The following ZFP69B variants were observed in gnomAD, a reference collection of about 807,000 sequenced individuals.
ZFP69B encodes ZFP69 zinc finger protein B.
ZFP69B carries 20 observed loss-of-function variants against 19.7 expected under a neutral mutation model. The ratio of observed to expected loss-of-function variants is 1.02; its 90% CI spans 0.71 to 1.48. The LOEUF (loss-of-function observed/expected upper bound fraction) is 1.48. ZFP69B is among the 40% of genes most tolerant of loss of function. ZFP69B has a pLI of 0.00. For missense variants in ZFP69B, 583 were observed against 632.6 expected, an observed-to-expected ratio of 0.92 and a Z score of 0.84; for synonymous variants, 220 against 222.7, an observed-to-expected ratio of 0.99 and a Z score of 0.11.
rs1189194944 is a variant in ZFP69B at position 40,451,003 on chromosome 1, C to T, written c.42C>T (p.Ser14=). The change falls in exon 1 of 5, where the codon AGC becomes AGT. Residue 14 remains serine (S), a synonymous_variant. Transcript: ENST00000361584. ...TGATCACCCTGCCCACCGAGGCCAGCACCTGGGTGAAGTTGCGTCATCCAA... is the reference window on the plus strand; with the variant it reads ...TGATCACCCTGCCCACCGAGGCCAGTACCTGGGTGAAGTTGCGTCATCCAA... ...QLLITLPTEA[S]TWVKLRHPKA... The T allele has an allele frequency of 6.4e-7, 1 of 1,551,190 alleles. No homozygotes were observed. The highest frequency in any genetic ancestry group is 8.7e-7 in the Non-Finnish European group (1 of 1,146,912).
chr1:40,458,728 C>T (rs1645256708), intron 4 of ZFP69B, among the ~76,000 whole-genome samples: 1 of 152,052 alleles, frequency 6.6e-6, no homozygotes, highest in East Asian at 1.9e-4. Flanking sequence ...CTATGTTGGC[C>T]AGGCTGGTCT....
At chr1:40,451,198 T>A (rs1161447113) in intron 1 of ZFP69B, 110 bp downstream of exon 1, 2 of 1,320,420 alleles carry the variant, frequency 1.5e-6, no homozygotes, top group Non-Finnish European at 2.0e-6. Context: ...GGGTGGAGGG[T>A]TTCCGGAGTT....
In ZFP69B at chr1:40,462,493, G is replaced by A. The variant is rs149088436; in HGVS notation, c.509G>A (p.Gly170Asp). The change falls in exon 5 of 5, where the codon GGC (glycine) becomes GAC (aspartate). Residue 170 changes from glycine to aspartate, a missense_variant. By Grantham distance (94) the Gly-to-Asp change is moderately conservative. Coordinates refer to ENST00000361584, the MANE Select transcript of ZFP69B (RefSeq NM_023070.3). ...NDISWEELHC[G>D]LMMERFTKGS... The stretch of plus-strand genomic sequence containing the variant: ...ATTTCGTGGGAAGAACTACATTGTG[G>A]CCTAATGATGGAAAGATTTACAAAA... 2 of 1,613,980 alleles carry A rather than the reference G, an allele frequency of 1.2e-6. No individual in the cohort carries two copies. The highest frequency in any genetic ancestry group is 1.3e-5 in the African/African-American group (1 of 74,994).
In ZFP69B at chr1:40,450,850, T is replaced by G; in HGVS notation, c.-112T>G. On this transcript the variant is annotated 5_prime_UTR_variant, in exon 1 of 5. Coordinates refer to ENST00000361584, the MANE Select transcript of ZFP69B (RefSeq NM_023070.3). ...GAGTAGGAGTCGGCGATTAAGGAGA[T>G]CGGTACAATTGGGAAGCCTCCTGTC... 11 of 1,245,706 alleles carry G rather than the reference T, an allele frequency of 8.8e-6. No homozygotes were observed. Among genetic ancestry groups the G allele is most frequent in the Non-Finnish European group, 9.4e-6 (9 of 958,902 alleles). The allele number at this position is 1,245,706 out of a possible 1,614,324, so 77.2% of individuals were successfully genotyped here.
chr1:40,460,795 A>C (rs537744390), intron 4 of ZFP69B, among the ~76,000 whole-genome samples: 56 of 152,222 alleles, frequency 3.7e-4, no homozygotes, highest in Admixed American at 1.3e-3. Context: ...ATCCTGGCCA[A>C]CATGGTGAAA....
Position 40,463,671 on chromosome 1 carries a change from T to G in ZFP69B, c.*82T>G. ...CCCTGATCCCTCAAAAATCCATTTG[T>G]TTTTGGATTTCCAAAAACGAACATT... On this transcript the variant is annotated 3_prime_UTR_variant, in exon 5 of 5. Coordinates refer to ENST00000361584, the MANE Select transcript of ZFP69B (RefSeq NM_023070.3). 1 of 1,325,978 alleles carries G rather than the reference T, an allele frequency of 7.5e-7. No homozygotes were observed. Among genetic ancestry groups the G allele is most frequent in the Non-Finnish European group, 1.0e-6 (1 of 982,008 alleles). 82.1% of individuals were successfully genotyped at this position (1,325,978 alleles called of 1,614,324 possible). A position where few individuals can be genotyped will look rare whatever the true frequency, so the allele number is the denominator to read the frequency against.
chr1:40,452,542 A>T (rs1645195688), intron 1 of ZFP69B, among the ~76,000 whole-genome samples: 1 of 152,216 alleles, frequency 6.6e-6, no homozygotes, highest in Non-Finnish European at 1.5e-5. Context: ...TAAAAAGACA[A>T]CATCATGAAG....
chr1:40,455,791 G>A (rs1291150232), intron 2 of ZFP69B, among the ~76,000 whole-genome samples: 1 of 152,058 alleles, frequency 6.6e-6, no homozygotes, highest in African/African-American at 2.4e-5. Context: ...GGTGTGTGAT[G>A]TTCCCCTCCC....
rs529855320 is a variant in ZFP69B at position 40,453,534 on chromosome 1, A to T, written c.128-669A>T. Reference sequence around the variant, plus strand: ...GGGTGTCTGGGAAAACTTTACTTGAACTGGGCCTGAAGGGTATCGCAGTTT... The same window carrying T: ...GGGTGTCTGGGAAAACTTTACTTGATCTGGGCCTGAAGGGTATCGCAGTTT... On this transcript the variant is annotated intron_variant, in intron 1 of 4. Transcript: ENST00000361584. 2.0e-5 allele frequency among the ~76,000 whole-genome samples: 3 copies of T among 152,182 alleles called. No homozygotes were observed. In the South Asian group the frequency reaches 6.2e-4, roughly 32 times the overall value.
rs762992484 is a variant in ZFP69B at position 40,462,458 on chromosome 1, A to G, written c.474A>G (p.Leu158=). 6.2e-7 allele frequency: 1 copy of G among 1,609,766 alleles called. No individual in the cohort carries two copies. The highest frequency in any genetic ancestry group is 8.5e-7 in the Non-Finnish European group (1 of 1,178,842). The change falls in exon 5 of 5, where the codon TTA becomes TTG. Residue 158 remains leucine (L), a synonymous_variant. Coordinates refer to ENST00000361584, the MANE Select transcript of ZFP69B (RefSeq NM_023070.3). ...KSKTKTKESA[L]QNDISWEELH... is the part of the protein sequence containing the mutation. ...AAACAAAAACCAAAGAGTCAGCCTTACAGAATGATATTTCGTGGGAAGAAC... is the reference window on the plus strand; with the variant it reads ...AAACAAAAACCAAAGAGTCAGCCTTGCAGAATGATATTTCGTGGGAAGAAC...
At chr1:40,451,511 A>G (rs1018306328) in intron 1 of ZFP69B, among the ~76,000 whole-genome samples, 2 of 152,082 alleles carry the variant, frequency 1.3e-5, no homozygotes, top group African/African-American at 4.8e-5. Context: ...CTTAAAGACT[A>G]TGGATATGTG....
At position 40,462,397 on chromosome 1, in the gene ZFP69B, CT is replaced by C. The variant is rs759035216; in HGVS notation, c.437-15del. Reference sequence around the variant, plus strand: ...TTTTTAAAGTGCAAGGAATATGGATCTTTTTTTTTATTATTTCTTTCAGACT... The same window carrying C: ...TTTTTAAAGTGCAAGGAATATGGATCTTTTTTTTATTATTTCTTTCAGACT... On this transcript the variant is annotated intron_variant, in intron 4 of 4. Transcript: ENST00000361584. 73 of 1,524,776 alleles carry C rather than the reference CT, an allele frequency of 4.8e-5. No homozygotes were observed. Among genetic ancestry groups the C allele is most frequent in the South Asian group, 9.0e-5 (7 of 77,602 alleles). 94.5% of individuals were successfully genotyped at this position (1,524,776 alleles called of 1,614,324 possible). A position where few individuals can be genotyped will look rare whatever the true frequency, so the allele number is the denominator to read the frequency against.
chr1:40,456,871 T>G (rs1204711719), intron 2 of ZFP69B, 74 bp from the exon 3 acceptor site: 7 of 1,543,128 alleles, frequency 4.5e-6, no homozygotes, highest in Middle Eastern at 1.7e-4. Flanking sequence ...TTGACTAGAA[T>G]CTCTTAGCAT....
chr1:40,463,194 A>G lies in ZFP69B; in HGVS notation c.1210A>G (p.Arg404Gly). 1.9e-6 allele frequency: 3 copies of G among 1,614,152 alleles called. No individual in the cohort carries two copies. Among genetic ancestry groups the G allele is most frequent in the Non-Finnish European group, 2.5e-6 (3 of 1,180,026 alleles). ...KDCGKAFFQI[R>G]HLRQHEIIHT... ...CTGTGGAAAAGCGTTTTTCCAGATT[A>G]GACACCTTAGGCAACATGAGATTAT... Residue 404 changes from arginine to glycine, a missense_variant, in exon 5 of 5, where the codon AGA (arginine) becomes GGA (glycine). Physicochemically the swap from Arg to Gly is moderately radical, Grantham distance 125. Transcript: ENST00000361584.
chr1:40,462,830 T>C lies in ZFP69B; in HGVS notation c.846T>C (p.Asn282=), dbSNP rs1645302320. 1.2e-6 allele frequency: 2 copies of C among 1,613,924 alleles called. No individual in the cohort carries two copies. The highest frequency in any genetic ancestry group is 1.3e-5 in the African/African-American group (1 of 74,944). ...CAAAAATGAAAACCTTTGAGTGTAA[T>C]ATTTGTGAAAAAATCTTCAAACAGC... ...SYTKMKTFEC[N]ICEKIFKQLI... Residue 282 remains asparagine (N), a synonymous_variant, in exon 5 of 5, where the codon AAT becomes AAC. Coordinates refer to ENST00000361584, the MANE Select transcript of ZFP69B (RefSeq NM_023070.3).
chr1:40,459,624 A>G (rs560898433), intron 4 of ZFP69B, among the ~76,000 whole-genome samples: 17 of 152,252 alleles, frequency 1.1e-4, no homozygotes, highest in African/African-American at 4.1e-4. Flanking sequence ...TTCTAGTTGC[A>G]TTTGCTGATG....
rs1474938588 is a variant in ZFP69B at position 40,453,217 on chromosome 1, C to T, written c.128-986C>T. ...CTCGTGATCCACCCACCTCAGCCTC[C>T]CAAAGTGCTGGGATTACAGGCTTGA... On this transcript the variant is annotated intron_variant, in intron 1 of 4. Transcript: ENST00000361584. Among the ~76,000 whole-genome samples, 3 of 152,120 alleles carry T rather than the reference C, an allele frequency of 2.0e-5. No individual in the cohort carries two copies. The East Asian group carries it at 5.8e-4, about 29-fold the overall frequency.
At chr1:40,462,159 A>G (rs762809806) in intron 4 of ZFP69B, among the ~76,000 whole-genome samples, 30 of 152,110 alleles carry the variant, frequency 2.0e-4, no homozygotes, top group Non-Finnish European at 1.6e-4. Context: ...GGCTCAAGCA[A>G]TCCTCCTGCC....
In ZFP69B at chr1:40,454,213, T is replaced by C. The variant is rs1645212134; in HGVS notation, c.138T>C (p.Ser46=). 6.3e-7 allele frequency: 1 copy of C among 1,599,858 alleles called. No individual in the cohort carries two copies. Among genetic ancestry groups the C allele is most frequent in the South Asian group, 1.1e-5 (1 of 87,696 alleles). ...CTTTTCCTTCCCCAGCTCTGCTGTCTCAGGATGCTGATGAGACCCAGGGCG... is the reference window on the plus strand; with the variant it reads ...CTTTTCCTTCCCCAGCTCTGCTGTCCCAGGATGCTGATGAGACCCAGGGCG... ...TKMFKAEALL[S]QDADETQGES... is the part of the protein sequence containing the mutation. Residue 46 remains serine (S), a synonymous_variant, in exon 2 of 5, where the codon TCT becomes TCC. Transcript: ENST00000361584.
Sources: gnomAD v4.1 joint callset for allele counts (sites outside exome capture counted in the v4.1 genomes callset) on GRCh38, gnomAD v4.1.1 for gene constraint, MANE v1.5 for transcripts, NCBI Gene and HGNC (gene_info 2026-07-23, HGNC 2026-07-21) for gene names.